Variants in IL1R2 observed in about 807,000 individuals in gnomAD.
IL1R2 encodes interleukin-1 receptor type 2.
IL1R2 carries 46 observed loss-of-function variants against 39.5 expected under a neutral mutation model. That is an observed-to-expected ratio of 1.16 (90% CI 0.92 to 1.49). The LOEUF (loss-of-function observed/expected upper bound fraction) is 1.49, where lower values mean the gene tolerates loss of function less well. IL1R2 is among the 40% of genes most tolerant of loss of function. IL1R2 has a pLI of 0.00. For missense variants in IL1R2, 537 were observed against 502.0 expected (o/e 1.07, Z -0.67); for synonymous variants, 207 against 189.6 (o/e 1.09, Z -0.75).
intron 1 of IL1R2, chr2:102,001,968 G>C (rs1675884523): frequency 6.6e-6 from 1 of 152,092 alleles, no homozygotes; most frequent in Non-Finnish European, 1.5e-5. Context: ...TTTGTTCTTT[G>C]AATGACTGTG....
intron 3 of IL1R2, among the ~76,000 whole-genome samples, chr2:102,011,612 T>C (rs1288697545): frequency 6.6e-6 from 1 of 152,252 alleles, no homozygotes; most frequent in African/African-American, 2.4e-5. Context: ...GCTGTTGTTG[T>C]TGAGTTGTAG....
intron 2 of IL1R2, 107 bp from the exon 3 acceptor site, chr2:102,009,455 C>T (rs2150434679): frequency 7.9e-7 from 1 of 1,273,128 alleles, no homozygotes; most frequent in Non-Finnish European, 1.1e-6. Context: ...CTCAAATGTG[C>T]TCCAGGTTTC....
chr2:101,999,559 A>G (rs747425630), intron 1 of IL1R2, among the ~76,000 whole-genome samples: 3 of 152,214 alleles, frequency 2.0e-5, no homozygotes, highest in Admixed American at 6.5e-5. Context: ...GAGGAGGCCT[A>G]AGCTCAAATC....
chr2:101,992,827 G>A (rs1376157998), intron 1 of IL1R2, among the ~76,000 whole-genome samples: 6 of 152,154 alleles, frequency 3.9e-5, no homozygotes, highest in African/African-American at 1.4e-4. Context: ...AGGCTCAGGC[G>A]ACTCTCCGGA....
intron 3 of IL1R2, among the ~76,000 whole-genome samples, chr2:102,013,575 G>GAAAAAAA (rs1676796466): frequency 1.6e-5 from 1 of 60,780 alleles, no homozygotes; most frequent in Non-Finnish European, 3.7e-5. Flanking sequence ...AAGAAAAGAA[G>GAAAAAAA]GAAAAGAAAA....
chr2:102,007,328 G>A (rs1051990496), intron 1 of IL1R2, among the ~76,000 whole-genome samples: 2 of 152,166 alleles, frequency 1.3e-5, no homozygotes, highest in African/African-American at 2.4e-5. Flanking sequence ...CTGTAGACCA[G>A]AGTGTTAGCA....
At chr2:101,998,375 A>G (rs997280072) in intron 1 of IL1R2, among the ~76,000 whole-genome samples, 1 of 151,990 alleles carries the variant, frequency 6.6e-6, no homozygotes, top group Non-Finnish European at 1.5e-5. Flanking sequence ...CGCTTTTTTC[A>G]GTGTGTGTTT....
chr2:101,995,125 T>C (rs947856765), intron 1 of IL1R2, among the ~76,000 whole-genome samples: 1 of 152,176 alleles, frequency 6.6e-6, no homozygotes, highest in Non-Finnish European at 1.5e-5. Flanking sequence ...TCTCAATCAG[T>C]TGACTTGAAG....
At position 102,013,813 on chromosome 2, in the gene IL1R2, C is replaced by G. The variant is rs151328297; in HGVS notation, c.333-2058C>G. Among the ~76,000 whole-genome samples the G allele has an allele frequency of 4.6e-5, 7 of 152,164 alleles. No individual in the cohort carries two copies. The East Asian group carries it at 1.4e-3, about 29-fold the overall frequency. On this transcript the variant is annotated intron_variant, in intron 3 of 8. Transcript: ENST00000332549. Reference sequence around the variant, plus strand: ...GAGCAGGAAGCCTGCTTTGGAGGGTCTCTCATGGCTGTTACAACTTTCATG... The same window carrying G: ...GAGCAGGAAGCCTGCTTTGGAGGGTGTCTCATGGCTGTTACAACTTTCATG...
intron 1 of IL1R2, among the ~76,000 whole-genome samples, chr2:101,992,612 CAG>C (rs1462174790): frequency 7.8e-6 from 1 of 128,886 alleles, no homozygotes; most frequent in Non-Finnish European, 1.7e-5. Flanking sequence ...TAGAGGGAGA[CAG>C]AGAGAGGCAG....
At chr2:102,022,358 G>A in intron 6 of IL1R2, 109 bp downstream of exon 6, 1 of 874,998 alleles carries the variant, frequency 1.1e-6, no homozygotes, top group South Asian at 1.4e-5. Flanking sequence ...CTCCTTGGGT[G>A]CAATGTGCCT....
Position 102,026,112 on chromosome 2 carries a change from G to A in IL1R2, c.889G>A (p.Glu297Lys), listed in dbSNP as rs899622582. The A allele has an allele frequency of 3.8e-6, 6 of 1,594,884 alleles. No homozygotes were observed. In the African/African-American group the frequency reaches 5.4e-5, roughly 14 times the overall value. ...TAAGTGAATGTTTTTTTAACTCAGG[G>A]AATATTCAGAAAATAATGAGAACTA... Reference protein sequence around the residue: ...GGRVTEGPRQEYSENNENYIE... With the variant: ...GGRVTEGPRQKYSENNENYIE... Residue 297 changes from glutamate (E) to lysine (K), a missense_variant and splice_region_variant, in exon 8 of 9, where the codon GAA (glutamate) becomes AAA (lysine). By Grantham distance (56) the Glu-to-Lys change is moderately conservative. Coordinates refer to ENST00000332549, the MANE Select transcript of IL1R2 (RefSeq NM_004633.4).
rs1675346635 is a variant in IL1R2 at position 101,991,973 on chromosome 2, G to A, written c.-100G>A. 6.6e-6 allele frequency: 1 copy of A among 152,636 alleles called. No individual in the cohort carries two copies. Among genetic ancestry groups the A allele is most frequent in the South Asian group, 2.1e-4 (1 of 4,804 alleles). 9.5% of individuals were successfully genotyped at this position (152,636 alleles called of 1,614,324 possible). A position where few individuals can be genotyped will look rare whatever the true frequency, so the allele number is the denominator to read the frequency against. On this transcript the variant is annotated 5_prime_UTR_variant, in exon 1 of 9. Coordinates refer to ENST00000332549, the MANE Select transcript of IL1R2 (RefSeq NM_004633.4). ...TGCTGAGCTCCTGCTGGAGGTGAAA[G>A]TCTGGCCTGGCAGCCTTCCCCAGGT... is the stretch of plus-strand genomic sequence containing the variant.
chr2:101,997,735 C>T (rs554685882), intron 1 of IL1R2, among the ~76,000 whole-genome samples: 1 of 152,186 alleles, frequency 6.6e-6, no homozygotes, highest in Admixed American at 6.5e-5. Flanking sequence ...TTCTTTAGTG[C>T]CCCTTACTTC....
intron 1 of IL1R2, among the ~76,000 whole-genome samples, chr2:101,993,567 T>G (rs1675446493): frequency 6.6e-6 from 1 of 152,158 alleles, no homozygotes; most frequent in African/African-American, 2.4e-5. Context: ...TTTGTTTCTC[T>G]CTGTCTGCCT....
chr2:102,002,754 C>CTA (rs1675959844), intron 1 of IL1R2, among the ~76,000 whole-genome samples: 7 of 146,500 alleles, frequency 4.8e-5, no homozygotes, highest in Admixed American at 2.1e-4. Context: ...ATGTCTATAT[C>CTA]TATATCTATA....
At chr2:102,018,866 A>G (rs1303007364) in intron 4 of IL1R2, among the ~76,000 whole-genome samples, 1 of 152,204 alleles carries the variant, frequency 6.6e-6, no homozygotes, top group Non-Finnish European at 1.5e-5. Flanking sequence ...TCAATTAAAT[A>G]TGTTCTAAAG....
intron 1 of IL1R2, among the ~76,000 whole-genome samples, chr2:102,003,810 G>GC (rs142425323): frequency 0.61 from 70,058 of 115,502 alleles, 17,832 homozygotes; most frequent in Middle Eastern, 0.68. Flanking sequence ...CTGTGGCTGT[G>GC]CTGTGTCTGT....
rs147914094 is a variant in IL1R2 at position 102,024,630 on chromosome 2, C to T, written c.849C>T (p.Ser283=). The T allele has an allele frequency of 3.8e-4, 617 of 1,614,028 alleles. 3 individuals carry two copies. The highest frequency in any genetic ancestry group is 2.5e-3 in the South Asian group (230 of 91,076). ...CGGCCAATGACACCCACATAGAGAG[C>T]GCCTACCCGGGAGGCCGCGTGACCG... ...WWTANDTHIE[S]AYPGGRVTEG... Residue 283 remains serine (S), a synonymous_variant, in exon 7 of 9, where the codon AGC becomes AGT. Coordinates refer to ENST00000332549, the MANE Select transcript of IL1R2 (RefSeq NM_004633.4).
Sources: gnomAD v4.1 joint callset for allele counts (sites outside exome capture counted in the v4.1 genomes callset) on GRCh38, gnomAD v4.1.1 for gene constraint, MANE v1.5 for transcripts, NCBI Gene and HGNC (gene_info 2026-07-23, HGNC 2026-07-21) for gene names.